BRINP3: variants seen among roughly 807,000 people sequenced by gnomAD.
BRINP3 encodes the protein BMP/retinoic acid-inducible neural-specific protein 3.
A neutral mutation model predicts 71.0 loss-of-function variants in BRINP3; 19 were observed. The observed-to-expected ratio is 0.27, with a 90% confidence interval of 0.19 to 0.39. The LOEUF is 0.39. Among genes scored for constraint, BRINP3 ranks in the 10% least tolerant of loss-of-function variants. BRINP3 has a pLI of 1.00. For missense variants in BRINP3, 959 were observed against 940.8 expected (o/e 1.02, Z -0.25); for synonymous variants, 380 against 337.7 (o/e 1.13, Z -1.37).
At chr1:190,383,109 C>T (rs1163378953) in intron 2 of BRINP3, among the ~76,000 whole-genome samples, 1 of 151,928 alleles carries the variant, frequency 6.6e-6, no homozygotes, top group Non-Finnish European at 1.5e-5. Context: ...TTTTTTCCTC[C>T]CTATTCAACT....
At chr1:190,298,996 A>C (rs894426072) in intron 2 of BRINP3, among the ~76,000 whole-genome samples, 1 of 152,134 alleles carries the variant, frequency 6.6e-6, no homozygotes, top group Admixed American at 6.5e-5. Context: ...TGTTTGGTGC[A>C]TGCACATTTA....
intron 6 of BRINP3, among the ~76,000 whole-genome samples, chr1:190,194,995 G>C (rs1163602508): frequency 6.6e-6 from 1 of 151,844 alleles, no homozygotes; most frequent in African/African-American, 2.4e-5. Flanking sequence ...TTAGAAAAAA[G>C]AATTATTTCC....
chr1:190,449,445 C>T (rs1425335548), intron 2 of BRINP3, among the ~76,000 whole-genome samples: 3 of 151,890 alleles, frequency 2.0e-5, no homozygotes, highest in Admixed American at 6.6e-5. Flanking sequence ...TTATTTCTTT[C>T]GTTTAGCTAT....
chr1:190,376,732 G>A (rs766078985), intron 2 of BRINP3, among the ~76,000 whole-genome samples: 52 of 151,962 alleles, frequency 3.4e-4, no homozygotes, highest in Non-Finnish European at 5.9e-4. Context: ...AATCTATTTC[G>A]TTGAACCTTT....
rs557850591 is a variant in BRINP3 at position 190,399,467 on chromosome 1, A to C, written c.236+55188T>G. Reference sequence around the variant, plus strand: ...TGACACTTCGCGAGCATGAAACTGAAGTATATTTTTATAATGTACATAAAT... The same window carrying C: ...TGACACTTCGCGAGCATGAAACTGACGTATATTTTTATAATGTACATAAAT... On this transcript the variant is annotated intron_variant, in intron 2 of 7. Transcript: ENST00000367462. 5.9e-5 allele frequency among the ~76,000 whole-genome samples: 9 copies of C among 152,022 alleles called. No individual in the cohort carries two copies. In the East Asian group the frequency reaches 1.7e-3, roughly 29 times the overall value.
rs577530678 is a variant in BRINP3 at position 190,390,485 on chromosome 1, C to T, written c.236+64170G>A. On this transcript the variant is annotated intron_variant, in intron 2 of 7. Transcript: ENST00000367462. ...ATTAGAAGAATCTTCCCTATGAATA[C>T]ATAAATGTCCAAGGATTATGACAGA... Among the ~76,000 whole-genome samples the T allele has an allele frequency of 4.0e-5, 6 of 151,796 alleles. No individual in the cohort carries two copies. The East Asian group carries it at 1.2e-3, about 29-fold the overall frequency.
chr1:190,427,071 C>T (rs372595403), intron 2 of BRINP3, among the ~76,000 whole-genome samples: 1 of 151,760 alleles, frequency 6.6e-6, no homozygotes, highest in Non-Finnish European at 1.5e-5. Flanking sequence ...AAGTGTTATA[C>T]CTTTGACATC....
chr1:190,230,000 T>C (rs952464916), intron 5 of BRINP3, among the ~76,000 whole-genome samples: 3 of 151,960 alleles, frequency 2.0e-5, no homozygotes, highest in African/African-American at 7.2e-5. Flanking sequence ...ATCAAGTGGC[T>C]ATTTTACAAA....
At position 190,393,620 on chromosome 1, in the gene BRINP3, C is replaced by T. The variant is rs534856460; in HGVS notation, c.236+61035G>A. Among the ~76,000 whole-genome samples, 3 of 151,418 alleles carry T rather than the reference C, an allele frequency of 2.0e-5. No individual in the cohort carries two copies. In the Admixed American group the frequency reaches 2.0e-4, roughly 10 times the overall value. ...CTTTAGACATAAAATTTCAACATTC[C>T]ATACTCATTTTTAATTGGCTAGTAA... On this transcript the variant is annotated intron_variant, in intron 2 of 7. Coordinates refer to ENST00000367462, the MANE Select transcript of BRINP3 (RefSeq NM_199051.3).
intron 6 of BRINP3, among the ~76,000 whole-genome samples, chr1:190,201,961 C>T (rs377239499): frequency 3.9e-5 from 6 of 152,188 alleles, no homozygotes; most frequent in African/African-American, 1.4e-4. Context: ...AGGATCACCA[C>T]AAAGTCCCTA....
intron 1 of BRINP3, among the ~76,000 whole-genome samples, chr1:190,460,220 T>G (rs1336643754): frequency 1.3e-5 from 2 of 150,954 alleles, no homozygotes; most frequent in Non-Finnish European, 3.0e-5. Flanking sequence ...ATTATTCTAT[T>G]AAATCTATTA....
intron 1 of BRINP3, among the ~76,000 whole-genome samples, chr1:190,473,676 G>A (rs1352460312): frequency 2.7e-5 from 4 of 150,140 alleles, no homozygotes; most frequent in African/African-American, 9.8e-5. Context: ...TTTTAATTGA[G>A]AAAAATCTGA....
At chr1:190,144,214 C>T (rs1363593812) in intron 7 of BRINP3, among the ~76,000 whole-genome samples, 1 of 152,058 alleles carries the variant, frequency 6.6e-6, no homozygotes, top group Admixed American at 6.6e-5. Context: ...CTCTCTTTCA[C>T]TAAACTGGCT....
intron 7 of BRINP3, among the ~76,000 whole-genome samples, chr1:190,138,896 T>C (rs1655192590): frequency 6.6e-6 from 1 of 152,020 alleles, no homozygotes; most frequent in African/African-American, 2.4e-5. Flanking sequence ...CATATACATC[T>C]CAATGGCGGC....
chr1:190,217,099 G>T (rs1471282835), intron 6 of BRINP3: 1 of 151,858 alleles, frequency 6.6e-6, no homozygotes, highest in Non-Finnish European at 1.5e-5. Flanking sequence ...AGACAAATTA[G>T]TATGTCTTGC....
At chr1:190,297,212 T>C (rs769475513) in intron 2 of BRINP3, among the ~76,000 whole-genome samples, 2 of 152,060 alleles carry the variant, frequency 1.3e-5, no homozygotes, top group Non-Finnish European at 2.9e-5. Context: ...AGACACATAA[T>C]AGAGAGGCCA....
At chr1:190,405,301 A>G (rs902182695) in intron 2 of BRINP3, among the ~76,000 whole-genome samples, 8 of 151,810 alleles carry the variant, frequency 5.3e-5, no homozygotes, top group African/African-American at 9.7e-5. Context: ...AATGCAAAAA[A>G]TTAGCCAGGC....
At chr1:190,242,363 C>T (rs1213514936) in intron 4 of BRINP3, among the ~76,000 whole-genome samples, 1 of 151,956 alleles carries the variant, frequency 6.6e-6, no homozygotes, top group East Asian at 1.9e-4. Flanking sequence ...AATATAGTGA[C>T]TTAAAATATA....
intron 6 of BRINP3, among the ~76,000 whole-genome samples, chr1:190,218,421 A>G (rs1656592247): frequency 6.6e-6 from 1 of 152,108 alleles, no homozygotes; most frequent in Non-Finnish European, 1.5e-5. Flanking sequence ...TTTTAAAATC[A>G]TTTTTAATTG....
Sources: gnomAD v4.1 joint callset for allele counts (sites outside exome capture counted in the v4.1 genomes callset) on GRCh38, gnomAD v4.1.1 for gene constraint, MANE v1.5 for transcripts, NCBI Gene and HGNC (gene_info 2026-07-23, HGNC 2026-07-21) for gene names.